The following HK1 variants were observed in gnomAD, a reference collection of about 807,000 sequenced individuals.
HK1 encodes hexokinase 1.
Under a neutral mutation model 91.6 loss-of-function variants are expected in HK1, and 28 were observed. The observed-to-expected ratio is 0.31, with a 90% confidence interval of 0.23 to 0.42. The LOEUF is 0.42. Ranked by LOEUF, HK1 falls within the 10% of genes least tolerant of loss-of-function variation. HK1 has a pLI of 1.00. For synonymous variants in HK1, 430 were observed against 468.1 expected, an observed-to-expected ratio of 0.92 and a Z score of 1.05; for missense variants, 770 against 1,219.8, an observed-to-expected ratio of 0.63 and a Z score of 5.49.
intron 2 of HK1, among the ~76,000 whole-genome samples, chr10:69,357,969 A>G (rs1849216101): frequency 6.6e-6 from 1 of 152,212 alleles, no homozygotes; most frequent in Admixed American, 6.5e-5. Context: ...TGAATTGTAT[A>G]CTTTAAATGG....
chr10:69,301,102 C>T (rs550957055), intron 5 of HK1, among the ~76,000 whole-genome samples: 7 of 151,764 alleles, frequency 4.6e-5, no homozygotes, highest in South Asian at 4.2e-4. Flanking sequence ...AAAAATTAGC[C>T]GGGTGTAGTG....
At position 69,398,673 on chromosome 10, in the gene HK1, C is replaced by G. The variant is rs149531762; in HGVS notation, c.2454C>G (p.Leu818=). The G allele has an allele frequency of 6.2e-7, 1 of 1,614,046 alleles. No individual in the cohort carries two copies. Among genetic ancestry groups the G allele is most frequent in the African/African-American group, 1.3e-5 (1 of 74,916 alleles). The change falls in exon 17 of 18, where the codon CTC becomes CTG. Residue 818 remains leucine, a synonymous_variant. Transcript: ENST00000359426. ...ATAGCACCTGCGATGACAGTATCCTCGTCAAGACAGTGTGCGGGGTGGTGT... is the reference window on the plus strand; with the variant it reads ...ATAGCACCTGCGATGACAGTATCCTGGTCAAGACAGTGTGCGGGGTGGTGT... ...GLNSTCDDSI[L]VKTVCGVVSR...
chr10:69,309,495 TAAAAAAAAAAAAAA>T (rs1177161842), intron 5 of HK1, among the ~76,000 whole-genome samples: 2 of 46,954 alleles, frequency 4.3e-5, no homozygotes, highest in South Asian at 8.6e-4. Flanking sequence ...TTTGTCTCAT[TAAAAAAAAAAAAAA>T]AAAAAAAAAA....
At chr10:69,298,258 C>T (rs11819086) in intron 4 of HK1, among the ~76,000 whole-genome samples, 27,353 of 151,568 alleles carry the variant, frequency 0.18, 2,793 homozygotes, top group Admixed American at 0.25. Flanking sequence ...AGTAGTCTTA[C>T]GTATCATGTT....
chr10:69,390,181 A>G (rs1413174318), intron 14 of HK1, among the ~76,000 whole-genome samples: 1 of 152,222 alleles, frequency 6.6e-6, no homozygotes, highest in East Asian at 1.9e-4. Flanking sequence ...TAAAAAACCT[A>G]GGGAGCAGCT....
At chr10:69,384,233 C>T (rs1839525303) in intron 10 of HK1, 100 bp from the exon 11 acceptor site, 1 of 1,398,504 alleles carries the variant, frequency 7.2e-7, no homozygotes, top group Admixed American at 1.7e-5. Flanking sequence ...TCTATGTTTG[C>T]TATGGGGTTC....
chr10:69,368,162 G>C (rs1298732871), intron 4 of HK1, among the ~76,000 whole-genome samples: 1 of 152,210 alleles, frequency 6.6e-6, no homozygotes, highest in Non-Finnish European at 1.5e-5. Context: ...GGGTCTGGTT[G>C]GGAAGTGGGG....
intron 16 of HK1, among the ~76,000 whole-genome samples, chr10:69,397,443 T>TAA: frequency 6.9e-6 from 1 of 145,622 alleles, no homozygotes; most frequent in African/African-American, 2.5e-5. Flanking sequence ...TGTCTGTAAG[T>TAA]AAAAAAAAAA....
intron 2 of HK1, among the ~76,000 whole-genome samples, chr10:69,351,006 TAA>T (rs71009213): frequency 1.7e-4 from 19 of 108,690 alleles, no homozygotes; most frequent in Admixed American, 1.9e-4. Context: ...CCGTCTCTAC[TAA>T]AAAAAAAAAA....
chr10:69,389,667 G>T (rs1449301109), intron 14 of HK1, among the ~76,000 whole-genome samples: 3 of 152,022 alleles, frequency 2.0e-5, no homozygotes, highest in East Asian at 1.9e-4. Context: ...GTCAGGTATT[G>T]CAGGGGGATG....
At chr10:69,391,602 G>A (rs113745839) in intron 14 of HK1, among the ~76,000 whole-genome samples, 14 of 152,266 alleles carry the variant, frequency 9.2e-5, no homozygotes, top group African/African-American at 3.4e-4. Context: ...AGATTGCGCC[G>A]CTGCACTCCA....
rs1589564334 is a variant in HK1, at chr10:69,378,139, G to A, written c.1031+1050G>A. ...CTTTTCATGAGTCTCCTGGTCAGTG[G>A]CTGGGAAGGAAGGGGAGCGGGAGAC... is the stretch of plus-strand genomic sequence containing the variant. On this transcript the variant is annotated intron_variant, in intron 8 of 17. Coordinates refer to ENST00000359426, the MANE Select transcript of HK1 (RefSeq NM_000188.3). Among the ~76,000 whole-genome samples the A allele has an allele frequency of 6.6e-5, 10 of 152,284 alleles. No individual in the cohort carries two copies. The South Asian group carries it at 2.1e-3, about 32-fold the overall frequency.
rs563112362 is a variant in HK1, at chr10:69,298,192, G to A, written c.-67+2512G>A. ...TGCCATTGCACTCCAGCCTGGGCAA[G>A]AAGAGAGAAACTCCATCTCAAGGAA... On this transcript the variant is annotated intron_variant, in intron 4 of 21. Transcript: ENST00000360289. Among the ~76,000 whole-genome samples, 28 of 151,556 alleles carry A rather than the reference G, an allele frequency of 1.8e-4. No homozygotes were observed. The East Asian group carries it at 3.9e-3, about 21-fold the overall frequency.
chr10:69,389,477 G>A, intron 14 of HK1, 181 bp downstream of exon 14: 2 of 609,670 alleles, frequency 3.3e-6, no homozygotes, highest in South Asian at 1.5e-5. Context: ...GGCGGGGGGA[G>A]GTGGGGGGGC....
intron 1 of HK1, among the ~76,000 whole-genome samples, chr10:69,327,697 G>A (rs1336737617): frequency 6.6e-6 from 1 of 152,200 alleles, no homozygotes; most frequent in Non-Finnish European, 1.5e-5. Context: ...GGAAGTATGT[G>A]CAGGTTGCCT....
intron 1 of HK1, among the ~76,000 whole-genome samples, chr10:69,343,363 G>A (rs968871972): frequency 3.5e-4 from 53 of 152,140 alleles, no homozygotes; most frequent in African/African-American, 1.2e-3. Flanking sequence ...TTCAGTTGAG[G>A]AAACTGAAAT....
At position 69,369,479 on chromosome 10, in the gene HK1, C is replaced by A; in HGVS notation, c.730C>A (p.His244Asn). 2 of 1,614,172 alleles carry A rather than the reference C, an allele frequency of 1.2e-6. No homozygotes were observed. Among genetic ancestry groups the A allele is most frequent in the Non-Finnish European group, 1.7e-6 (2 of 1,180,030 alleles). Reference sequence around the variant, plus strand: ...TGCTTGCTACATGGAGGAACTGAGGCACATTGATCTGGTGGAAGGAGACGA... The same window carrying A: ...TGCTTGCTACATGGAGGAACTGAGGAACATTGATCTGGTGGAAGGAGACGA... ...TNACYMEELRHIDLVEGDEGR... is the reference protein window; with the variant it reads ...TNACYMEELRNIDLVEGDEGR... Residue 244 changes from histidine to asparagine, a missense_variant, in exon 7 of 18, where the codon CAC (histidine) becomes AAC (asparagine). Physicochemically the swap from His to Asn is moderately conservative, Grantham distance 68. This residue lies in a region of HK1 where 449 missense variants were observed against 665.1 expected (regional missense o/e 0.68). Transcript: ENST00000359426. The surrounding 1 kb of genome is among the most constrained non-coding windows in gnomAD (Gnocchi z 4.4).
intron 2 of HK1, among the ~76,000 whole-genome samples, chr10:69,355,068 CAAAAAAAAAAA>C (rs775908068): frequency 1.2e-5 from 1 of 85,256 alleles, no homozygotes; most frequent in Non-Finnish European, 2.3e-5. Context: ...GACTCCCTCT[CAAAAAAAAAAA>C]AAAAAAAAAA....
At chr10:69,302,948 C>G (rs929101899) in intron 5 of HK1, among the ~76,000 whole-genome samples, 1 of 152,086 alleles carries the variant, frequency 6.6e-6, no homozygotes, top group African/African-American at 2.4e-5. Flanking sequence ...CTGGAACACT[C>G]TTTTCCTAGA....
Sources: gnomAD v4.1 joint callset for allele counts (sites outside exome capture counted in the v4.1 genomes callset) on GRCh38, gnomAD v4.1.1 for gene constraint, gnomAD v4.1.1 regional missense constraint, Gnocchi (gnomAD v3.1) non-coding constraint, MANE v1.5 for transcripts, NCBI Gene and HGNC (gene_info 2026-07-23, HGNC 2026-07-21) for gene names.